RXRA: variants seen among roughly 807,000 people sequenced by gnomAD.
The protein encoded by RXRA is retinoid X receptor alpha.
A neutral mutation model predicts 44.5 loss-of-function variants in RXRA; 5 were observed. The observed-to-expected ratio is 0.11, with a 90% confidence interval of 0.06 to 0.24. RXRA has a LOEUF of 0.24. Among genes scored for constraint, RXRA ranks in the 10% least tolerant of loss-of-function variants. RXRA has a pLI of 1.00. For synonymous variants in RXRA, 291 were observed against 271.4 expected (o/e 1.07, Z -0.71); for missense variants, 412 against 646.5 (o/e 0.64, Z 3.93).
chr9:134,360,629 C>T (rs1830339123), intron 1 of RXRA, among the ~76,000 whole-genome samples: 1 of 152,258 alleles, frequency 6.6e-6, no homozygotes, highest in South Asian at 2.1e-4. Flanking sequence ...AAAGTGGCGC[C>T]CTTTGGCTGC....
intron 1 of RXRA, among the ~76,000 whole-genome samples, chr9:134,375,333 T>A (rs764824649): frequency 1.6e-4 from 25 of 152,096 alleles, no homozygotes; most frequent in Non-Finnish European, 3.1e-4. Flanking sequence ...TTCCGATGGC[T>A]GTGGCTGGCT....
chr9:134,377,001 C>G (rs1830566296), intron 1 of RXRA, among the ~76,000 whole-genome samples: 1 of 152,188 alleles, frequency 6.6e-6, no homozygotes, highest in Non-Finnish European at 1.5e-5. Flanking sequence ...TGTGCCACGC[C>G]CACTGTCCTT....
At chr9:134,385,028 A>G (rs1314956416) in intron 1 of RXRA, among the ~76,000 whole-genome samples, 1 of 152,200 alleles carries the variant, frequency 6.6e-6, no homozygotes, top group Non-Finnish European at 1.5e-5. Flanking sequence ...GGGCACAGAC[A>G]GGGTGTGGGC....
rs569673612 is a variant in RXRA at position 134,436,999 on chromosome 9, C to T, written c.*385C>T. On this transcript the variant is annotated 3_prime_UTR_variant, in exon 10 of 10. Coordinates refer to ENST00000481739, the MANE Select transcript of RXRA (RefSeq NM_002957.6). ...GGCTTTTGTTTCCGTTGCTGTTTAT[C>T]GATGCTGGTTTTCAGAATTCCTGTG... The T allele has an allele frequency of 2.3e-5, 5 of 214,636 alleles. No homozygotes were observed. The highest frequency in any genetic ancestry group is 1.2e-4 in the East Asian group (1 of 8,604). The allele number at this position is 214,636 out of a possible 1,614,324, so 13.3% of individuals were successfully genotyped here.
rs535323436 is a variant in RXRA, at chr9:134,388,841, G to A, written c.29-12791G>A. On this transcript the variant is annotated intron_variant, in intron 1 of 9. Coordinates refer to ENST00000481739, the MANE Select transcript of RXRA (RefSeq NM_002957.6). ...GGGCAGATGCTGAGGGTCTCCAGGT[G>A]TCTGGAGGCTGTGAGTTCTCTGGAG... Among the ~76,000 whole-genome samples the A allele has an allele frequency of 2.0e-5, 3 of 152,352 alleles. No individual in the cohort carries two copies. In the South Asian group the frequency reaches 6.2e-4, roughly 32 times the overall value.
intron 1 of RXRA, among the ~76,000 whole-genome samples, chr9:134,331,638 C>T (rs879988611): frequency 4.6e-5 from 7 of 152,254 alleles, no homozygotes; most frequent in Non-Finnish European, 7.3e-5. Context: ...ATGGCTGCAG[C>T]GGGTGCCTGC....
intron 1 of RXRA, among the ~76,000 whole-genome samples, chr9:134,371,245 G>A (rs1830487848): frequency 6.6e-6 from 1 of 152,170 alleles, no homozygotes; most frequent in Non-Finnish European, 1.5e-5. Context: ...CTTGTCTGAT[G>A]TGTGGCTTTG....
At chr9:134,402,109 T>G in intron 2 of RXRA, 1 of 549,118 alleles carries the variant, frequency 1.8e-6, no homozygotes. Context: ...CGAGGTGACT[T>G]GCAGCTGGTT....
Position 134,424,993 on chromosome 9 carries a change from C to G in RXRA, c.910+3188C>G, listed in dbSNP as rs1025421312. On this transcript the variant is annotated intron_variant, in intron 6 of 9. Coordinates refer to ENST00000481739, the MANE Select transcript of RXRA (RefSeq NM_002957.6). ...TTCCCAGTGCTGGTGGGGGAGGTCA[C>G]TTCCGCTGGGCGACAGCAACGATGG... is the stretch of plus-strand genomic sequence containing the variant. The G allele has an allele frequency of 6.1e-6, 6 of 985,352 alleles. No homozygotes were observed. In the African/African-American group the frequency reaches 1.0e-4, roughly 17 times the overall value. The allele number at this position is 985,352 out of a possible 1,614,324, so 61.0% of individuals were successfully genotyped here. A position where few individuals can be genotyped will look rare whatever the true frequency, so the allele number is the denominator to read the frequency against.
intron 1 of RXRA, among the ~76,000 whole-genome samples, chr9:134,341,503 T>A (rs1440542527): frequency 1.3e-5 from 2 of 152,164 alleles, no homozygotes; most frequent in Non-Finnish European, 2.9e-5. Context: ...TTTTATTTCC[T>A]ATTTTTACTT....
At chr9:134,388,430 C>T (rs1232658248) in intron 1 of RXRA, among the ~76,000 whole-genome samples, 2 of 152,214 alleles carry the variant, frequency 1.3e-5, no homozygotes, top group African/African-American at 2.4e-5. Context: ...TGTTGTTCTG[C>T]TCTCACGCAG....
intron 1 of RXRA, among the ~76,000 whole-genome samples, chr9:134,388,922 G>C (rs1830759988): frequency 6.6e-6 from 1 of 152,192 alleles, no homozygotes; most frequent in Non-Finnish European, 1.5e-5. Flanking sequence ...CTGGGTGTGG[G>C]TCAGAAGCCC....
intron 1 of RXRA, among the ~76,000 whole-genome samples, chr9:134,346,244 A>G (rs1282969106): frequency 6.6e-6 from 1 of 152,054 alleles, no homozygotes; most frequent in Non-Finnish European, 1.5e-5. Flanking sequence ...CCTGGCGTTC[A>G]TCCTTGCCCT....
At chr9:134,336,468 G>A (rs1307078387) in intron 1 of RXRA, among the ~76,000 whole-genome samples, 3 of 152,124 alleles carry the variant, frequency 2.0e-5, no homozygotes, top group African/African-American at 4.8e-5. Context: ...TTCCCTCTTC[G>A]TCTTGATTTC....
In RXRA at chr9:134,407,365, C is replaced by T. The variant is rs574258856; in HGVS notation, c.280-784C>T. Among the ~76,000 whole-genome samples the T allele has an allele frequency of 7.9e-5, 12 of 152,214 alleles. No individual in the cohort carries two copies. The highest frequency in any genetic ancestry group is 2.4e-4 in the African/African-American group (10 of 41,454). ...CCAAGCGCTTACCGCCCTGCGCAGC[C>T]AGGCTGGCTGGCAGGCTGCAGCGGG... On this transcript the variant is annotated intron_variant, in intron 2 of 9. Transcript: ENST00000481739. The surrounding 1 kb of genome is among the most constrained non-coding windows in gnomAD (Gnocchi z 4.8).
intron 1 of RXRA, among the ~76,000 whole-genome samples, chr9:134,375,979 C>A (rs1324680027): frequency 2.0e-5 from 3 of 150,648 alleles, no homozygotes; most frequent in East Asian, 3.9e-4. Context: ...CCCCCCACCC[C>A]ACCCCGCCAG....
rs2119229271 is a variant in RXRA, at chr9:134,440,444, T to TGTCTCTGAAACATC, written c.*3833_*3846dup. On this transcript the variant is annotated 3_prime_UTR_variant, in exon 10 of 10. Transcript: ENST00000481739. ...CTGTGAAGTGGCTTCTCCGTACGAT[T>TGTCTCTGAAACATC]GTCTCTGAAACATCGTGGCCTCAGG... 6.5e-6 allele frequency: 1 copy of TGTCTCTGAAACATC among 152,758 alleles called. No homozygotes were observed. Among genetic ancestry groups the TGTCTCTGAAACATC allele is most frequent in the East Asian group, 1.9e-4 (1 of 5,200 alleles). The allele number at this position is 152,758 out of a possible 1,614,324, so 9.5% of individuals were successfully genotyped here.
At chr9:134,386,686 G>T (rs568302319) in intron 1 of RXRA, among the ~76,000 whole-genome samples, 3 of 152,182 alleles carry the variant, frequency 2.0e-5, no homozygotes, top group Non-Finnish European at 4.4e-5. Flanking sequence ...GCTGGCCCTG[G>T]GTCTGCCAGA....
intron 1 of RXRA, among the ~76,000 whole-genome samples, chr9:134,360,784 G>A (rs1830341719): frequency 6.6e-6 from 1 of 152,194 alleles, no homozygotes; most frequent in Non-Finnish European, 1.5e-5. Flanking sequence ...GGGACTCATT[G>A]GATTGAGGGA....
Sources: gnomAD v4.1 joint callset for allele counts (sites outside exome capture counted in the v4.1 genomes callset) on GRCh38, gnomAD v4.1.1 for gene constraint, Gnocchi (gnomAD v3.1) non-coding constraint, MANE v1.5 for transcripts, NCBI Gene and HGNC (gene_info 2026-07-23, HGNC 2026-07-21) for gene names.